PALMD: variants seen among roughly 807,000 people sequenced by gnomAD.
The protein encoded by PALMD is paralemmin-like protein.
Under a neutral mutation model 56.2 loss-of-function variants are expected in PALMD, and 42 were observed. The ratio of observed to expected loss-of-function variants is 0.75; its 90% confidence interval spans 0.58 to 0.97. The LOEUF is 0.97. PALMD is among the 50% of genes least tolerant of loss of function. The pLI is 0.00. For synonymous variants in PALMD, 242 were observed against 222.9 expected (o/e 1.09, Z -0.76); for missense variants, 660 against 643.8 (o/e 1.03, Z -0.27).
intron 2 of PALMD, among the ~76,000 whole-genome samples, chr1:99,666,248 T>A (rs1384063945): frequency 6.6e-6 from 1 of 152,118 alleles, no homozygotes; most frequent in Non-Finnish European, 1.5e-5. Context: ...TATTGGTTTT[T>A]TTTTTAAGAA....
chr1:99,648,102 A>T (rs2100850789), intron 1 of PALMD, among the ~76,000 whole-genome samples: 1 of 152,360 alleles, frequency 6.6e-6, no homozygotes, highest in African/African-American at 2.4e-5. Flanking sequence ...CAGCCTAAAT[A>T]TATCCCATTA....
intron 3 of PALMD, among the ~76,000 whole-genome samples, chr1:99,675,377 T>C (rs1279127637): frequency 6.6e-6 from 1 of 152,218 alleles, no homozygotes; most frequent in African/African-American, 2.4e-5. Context: ...TGTTTTTCTC[T>C]ACAATTTATT....
intron 3 of PALMD, among the ~76,000 whole-genome samples, chr1:99,676,327 G>A (rs1483040205): frequency 6.6e-6 from 1 of 152,034 alleles, no homozygotes; most frequent in Non-Finnish European, 1.5e-5. Context: ...AGCCATATTG[G>A]ATAGTTTTTG....
At chr1:99,662,593 T>G (rs944103306) in intron 2 of PALMD, among the ~76,000 whole-genome samples, 194 bp downstream of exon 2, 2 of 152,208 alleles carry the variant, frequency 1.3e-5, no homozygotes, top group Non-Finnish European at 2.9e-5. Context: ...AGCAAACATG[T>G]GCAAAGTTGA....
intron 2 of PALMD, among the ~76,000 whole-genome samples, chr1:99,663,258 T>G (rs1652888139): frequency 6.6e-6 from 1 of 152,206 alleles, no homozygotes; most frequent in African/African-American, 2.4e-5. Context: ...ATTAGCCTCA[T>G]TCTCTGGATT....
At position 99,690,032 on chromosome 1, in the gene PALMD, A is replaced by G. The variant is rs1645960480; in HGVS notation, c.1612+160A>G. ...GATAGAGATTATTATCACCACAGTA[A>G]AGTGATTAAGTCACTTCAAAAGATA... On this transcript the variant is annotated intron_variant, in intron 7 of 7. Transcript: ENST00000263174. The G allele has an allele frequency of 4.7e-5, 27 of 579,726 alleles. No individual in the cohort carries two copies. In the South Asian group the frequency reaches 6.7e-4, roughly 14 times the overall value. The allele number at this position is 579,726 out of a possible 1,614,324, so 35.9% of individuals were successfully genotyped here. A position where few individuals can be genotyped will look rare whatever the true frequency, so the allele number is the denominator to read the frequency against.
chr1:99,662,221 A>G, intron 1 of PALMD, 98 bp from the exon 2 acceptor site: 1 of 682,250 alleles, frequency 1.5e-6, no homozygotes, highest in South Asian at 1.7e-5. Flanking sequence ...TGCCAAAAAA[A>G]TATCAGTAAC....
rs528895559 is a variant in PALMD at position 99,670,896 on chromosome 1, C to CAAAAACAA, written c.251+3148_251+3155dup. On this transcript the variant is annotated intron_variant, in intron 3 of 7. Transcript: ENST00000263174. Reference sequence around the variant, plus strand: ...ATGTTTGTAAAGCTGCTAAAAAAAACAAAAACAAAAAAACAAAAAAACAAA... The same window carrying CAAAAACAA: ...ATGTTTGTAAAGCTGCTAAAAAAAACAAAAACAAAAAAACAAAAAAACAAAAAAACAAA... Among the ~76,000 whole-genome samples the CAAAAACAA allele has an allele frequency of 2.8e-3, 420 of 151,914 alleles. 1 individual carries two copies. Among genetic ancestry groups the CAAAAACAA allele is most frequent in the African/African-American group, 9.6e-3 (398 of 41,410 alleles).
intron 1 of PALMD, among the ~76,000 whole-genome samples, chr1:99,657,895 C>T (rs1652761502): frequency 6.6e-6 from 1 of 152,220 alleles, no homozygotes; most frequent in South Asian, 2.1e-4. Context: ...TCAGATGCTA[C>T]TCCAAAGCTT....
At chr1:99,665,669 C>T (rs1359501307) in intron 2 of PALMD, among the ~76,000 whole-genome samples, 2 of 152,072 alleles carry the variant, frequency 1.3e-5, no homozygotes, top group Admixed American at 1.3e-4. Context: ...TCTTATATAG[C>T]TATGTGTGTC....
At chr1:99,693,512 T>A (rs912926721) in intron 7 of PALMD, among the ~76,000 whole-genome samples, 1 of 152,218 alleles carries the variant, frequency 6.6e-6, no homozygotes, top group Non-Finnish European at 1.5e-5. Flanking sequence ...CAGCTTTTAA[T>A]AACTTGTTCC....
At chr1:99,681,153 G>GAGAGAGAGAGA (rs1557673151) in intron 3 of PALMD, among the ~76,000 whole-genome samples, 1 of 146,254 alleles carries the variant, frequency 6.8e-6, no homozygotes, top group African/African-American at 2.7e-5. Flanking sequence ...ATATATATAT[G>GAGAGAGAGAGA]TATAGAGCCC....
At position 99,687,089 on chromosome 1, in the gene PALMD, C is replaced by T; in HGVS notation, c.414C>T (p.Asp138=). 1.3e-6 allele frequency: 2 copies of T among 1,591,850 alleles called. No homozygotes were observed. The highest frequency in any genetic ancestry group is 1.7e-6 in the Non-Finnish European group (2 of 1,162,252). The change falls in exon 6 of 8, where the codon GAC becomes GAT. Residue 138 remains aspartate, a synonymous_variant. Coordinates refer to ENST00000263174, the MANE Select transcript of PALMD (RefSeq NM_017734.5). The part of the protein sequence containing the change: ...REERAEESIE[D]IYANIPDLPK... ...TTAATTTTACAGAGTCAATTGAGGA[C>T]ATCTATGCTAATATCCCTGACCTTC...
intron 1 of PALMD, among the ~76,000 whole-genome samples, chr1:99,656,290 A>T (rs1183453721): frequency 6.6e-6 from 1 of 152,188 alleles, no homozygotes; most frequent in Middle Eastern, 3.2e-3. Context: ...CAAGAATGGT[A>T]AAATATACTT....
chr1:99,675,105 T>A (rs1358601199), intron 3 of PALMD, among the ~76,000 whole-genome samples: 1 of 152,220 alleles, frequency 6.6e-6, no homozygotes, highest in African/African-American at 2.4e-5. Flanking sequence ...GGATTGGAAT[T>A]TATATTTGTT....
At position 99,694,263 on chromosome 1, in the gene PALMD, T is replaced by A; in HGVS notation, c.*201T>A. On this transcript the variant is annotated 3_prime_UTR_variant, in exon 8 of 8. Transcript: ENST00000263174. ...CTGGGGAAAACAAATGTGTAACTTT[T>A]CCAGTTACTTGACACGATTCAGTGG... The A allele has an allele frequency of 2.2e-6, 1 of 455,664 alleles. No homozygotes were observed. The highest frequency in any genetic ancestry group is 4.0e-6 in the Non-Finnish European group (1 of 250,976). The allele number at this position is 455,664 out of a possible 1,614,324, so 28.2% of individuals were successfully genotyped here. A position where few individuals can be genotyped will look rare whatever the true frequency, so the allele number is the denominator to read the frequency against.
intron 3 of PALMD, among the ~76,000 whole-genome samples, chr1:99,676,133 T>C (rs1264401180): frequency 6.6e-6 from 1 of 152,202 alleles, no homozygotes; most frequent in Non-Finnish European, 1.5e-5. Flanking sequence ...TTAGAGGCAA[T>C]AGATCTGACT....
At chr1:99,665,095 C>T (rs560676969) in intron 2 of PALMD, among the ~76,000 whole-genome samples, 15 of 152,202 alleles carry the variant, frequency 9.9e-5, no homozygotes, top group Non-Finnish European at 2.1e-4. Flanking sequence ...CCAGGAAACA[C>T]AAAATACAGT....
intron 1 of PALMD, among the ~76,000 whole-genome samples, chr1:99,658,627 C>T (rs1045595934): frequency 5.3e-5 from 8 of 151,808 alleles, no homozygotes; most frequent in Non-Finnish European, 7.4e-5. Flanking sequence ...AAAAATTAAC[C>T]GCGTGTGGTG....
Sources: allele counts gnomAD v4.1 joint callset (sites outside exome capture counted in the v4.1 genomes callset), GRCh38; gene constraint gnomAD v4.1.1; transcripts MANE v1.5; gene names NCBI Gene and HGNC (gene_info 2026-07-23, HGNC 2026-07-21).